The following RREB1 variants were observed in gnomAD, a reference collection of about 807,000 sequenced individuals.
The protein encoded by RREB1 is ras-responsive element-binding protein 1.
Under a neutral mutation model 117.8 loss-of-function variants are expected in RREB1, and 27 were observed. The ratio of observed to expected loss-of-function variants is 0.23; its 90% confidence interval spans 0.17 to 0.32. RREB1 has a LOEUF of 0.32. RREB1 is among the 10% of genes least tolerant of loss of function. The pLI, the probability that RREB1 is intolerant of heterozygous loss-of-function variation, is 1.00. For synonymous variants in RREB1, 1,298 were observed against 1,026.7 expected (o/e 1.26, Z -5.05); for missense variants, 2,577 against 2,378.2 (o/e 1.08, Z -1.74).
intron 10 of RREB1, among the ~76,000 whole-genome samples, chr6:7,234,724 C>A (rs144173946): frequency 2.0e-5 from 3 of 152,324 alleles, no homozygotes; most frequent in African/African-American, 7.2e-5. Context: ...TCATGACAAT[C>A]CTGTGAGGGT....
intron 6 of RREB1, among the ~76,000 whole-genome samples, chr6:7,192,453 A>C (rs531408419): frequency 5.3e-4 from 80 of 152,102 alleles, no homozygotes; most frequent in African/African-American, 1.8e-3. Context: ...TCAGCCTCCC[A>C]AAGTGCTGGG....
chr6:7,227,643 T>C (rs937537000), intron 9 of RREB1, among the ~76,000 whole-genome samples: 12 of 152,362 alleles, frequency 7.9e-5, no homozygotes, highest in African/African-American at 2.9e-4. Flanking sequence ...AAAAAATCTT[T>C]CTTTACTATC....
chr6:7,246,336 T>A, intron 11 of RREB1, 88 bp from the exon 12 acceptor site: 1 of 1,208,574 alleles, frequency 8.3e-7, no homozygotes, highest in Non-Finnish European at 1.1e-6. Context: ...GCTGCTGGCG[T>A]GGGTCTAGCC....
chr6:7,189,389 C>T, intron 6 of RREB1, 67 bp downstream of exon 6: 7 of 1,424,004 alleles, frequency 4.9e-6, no homozygotes, highest in African/African-American at 1.4e-5. Flanking sequence ...AGGACAGTGG[C>T]CTCTGAGCCT....
At position 7,230,321 on chromosome 6, in the gene RREB1, C is replaced by T. The variant is rs150263991; in HGVS notation, c.2222C>T (p.Ala741Val). 5.0e-6 allele frequency: 8 copies of T among 1,588,162 alleles called. No homozygotes were observed. The highest frequency in any genetic ancestry group is 2.7e-5 in the African/African-American group (2 of 74,712). Residue 741 changes from alanine (A) to valine (V), a missense_variant, in exon 10 of 13, where the codon GCG becomes GTG. Transcript: ENST00000379938. ...EKNIEYVSSS[A>V]AELVDAFCAP... The stretch of plus-strand genomic sequence containing the variant: ...AACATCGAGTATGTGAGTAGCAGCG[C>T]GGCCGAGCTGGTGGACGCCTTCTGC...
At chr6:7,145,512 A>G (rs1188145075) in intron 1 of RREB1, among the ~76,000 whole-genome samples, 1 of 152,136 alleles carries the variant, frequency 6.6e-6, no homozygotes. Context: ...AACCCTGTAA[A>G]TGCCTAATGT....
chr6:7,184,560 G>C (rs1052431080), intron 4 of RREB1: 2 of 151,876 alleles, frequency 1.3e-5, no homozygotes, highest in African/African-American at 4.8e-5. Context: ...TGCTTGACAT[G>C]GTTCATTTTA....
chr6:7,242,989 C>T (rs1768807992), intron 11 of RREB1, among the ~76,000 whole-genome samples: 1 of 152,178 alleles, frequency 6.6e-6, no homozygotes. Flanking sequence ...CTTGGTCCTT[C>T]CTCCGATGAT....
At chr6:7,236,243 C>T (rs1280677894) in intron 10 of RREB1, among the ~76,000 whole-genome samples, 1 of 152,212 alleles carries the variant, frequency 6.6e-6, no homozygotes, top group Non-Finnish European at 1.5e-5. Flanking sequence ...TCCCTTTGCT[C>T]CAGTTCCTTG....
intron 10 of RREB1, among the ~76,000 whole-genome samples, chr6:7,239,475 C>T (rs1293850142): frequency 6.6e-6 from 1 of 152,140 alleles, no homozygotes; most frequent in Non-Finnish European, 1.5e-5. Flanking sequence ...CCGCACAAAC[C>T]CAGGACAAGT....
Position 7,229,960 on chromosome 6 carries a change from G to C in RREB1, c.1861G>C (p.Gly621Arg), listed in dbSNP as rs775881827. The part of the protein sequence containing the change: ...EAKIKQEITE[G>R]ELKAFMTAPG... ...CAAGATCAAGCAGGAGATCACAGAGGGGGAACTCAAGGCCTTCATGACAGC... is the reference window on the plus strand; with the variant it reads ...CAAGATCAAGCAGGAGATCACAGAGCGGGAACTCAAGGCCTTCATGACAGC... Residue 621 changes from glycine to arginine, a missense_variant, in exon 10 of 13, where the codon GGG becomes CGG. Transcript: ENST00000379938. The surrounding 1 kb of genome is among the most constrained non-coding windows in gnomAD (Gnocchi z 4.5). The C allele has an allele frequency of 1.9e-5, 31 of 1,603,818 alleles. No individual in the cohort carries two copies. The Middle Eastern group carries it at 1.5e-3, about 77-fold the overall frequency.
chr6:7,132,991 A>G (rs1762214578), intron 1 of RREB1, among the ~76,000 whole-genome samples: 1 of 152,248 alleles, frequency 6.6e-6, no homozygotes, highest in African/African-American at 2.4e-5. Flanking sequence ...TCCATCAAGC[A>G]ATACAAGTAG....
chr6:7,156,422 T>G (rs1763363641), intron 1 of RREB1, among the ~76,000 whole-genome samples: 1 of 152,200 alleles, frequency 6.6e-6, no homozygotes, highest in Non-Finnish European at 1.5e-5. Flanking sequence ...ATCTAACCTG[T>G]GAGGAAGGCC....
intron 6 of RREB1, among the ~76,000 whole-genome samples, chr6:7,203,056 TAGGGTGTTACTGATTCA>T (rs1370284650): frequency 2.0e-5 from 3 of 152,124 alleles, no homozygotes; most frequent in Non-Finnish European, 4.4e-5. Context: ...CAGGAGGATG[TAGGGTGTTACTGATTCA>T]AGGGTAGGGC....
intron 1 of RREB1, among the ~76,000 whole-genome samples, chr6:7,138,187 G>A (rs900881113): frequency 4.1e-4 from 63 of 152,212 alleles, no homozygotes; most frequent in African/African-American, 1.5e-3. Flanking sequence ...GCTGCATGTT[G>A]GTCCATGTTA....
chr6:7,246,101 C>T (rs1392081403), intron 11 of RREB1, among the ~76,000 whole-genome samples: 1 of 152,228 alleles, frequency 6.6e-6, no homozygotes, highest in Admixed American at 6.5e-5. Flanking sequence ...TCTCCTATCT[C>T]GCAGCCCCTG....
rs372347365 is a variant in RREB1 at position 7,189,648 on chromosome 6, A to G, written c.425+326A>G. The stretch of plus-strand genomic sequence containing the variant: ...GAGGAACTCTCCATGAGTAGCATCC[A>G]CGTAACCCTGCCATTTAAAAAATAT... On this transcript the variant is annotated intron_variant, in intron 6 of 12. Transcript: ENST00000379938. Among the ~76,000 whole-genome samples, 238 of 152,310 alleles carry G rather than the reference A, an allele frequency of 1.6e-3. 1 individual carries two copies. Among genetic ancestry groups the G allele is most frequent in the African/African-American group, 5.4e-3 (224 of 41,566 alleles).
intron 1 of RREB1, among the ~76,000 whole-genome samples, chr6:7,150,083 G>T (rs565984455): frequency 7.3e-5 from 11 of 151,426 alleles, no homozygotes; most frequent in Non-Finnish European, 1.3e-4. Flanking sequence ...GAACACTTCA[G>T]CACTCCATGG....
chr6:7,240,284 GT>G lies in RREB1; in HGVS notation c.3809-143del, dbSNP rs1035269766. On this transcript the variant is annotated intron_variant, in intron 10 of 12. Transcript: ENST00000379938. The stretch of plus-strand genomic sequence containing the variant: ...AGAATGATCATTTTAGTCATTGATG[GT>G]TTTTTTTTTTCTAATGTGTTTTGTT... 8.1e-3 allele frequency among the ~76,000 whole-genome samples: 1,183 copies of G among 145,600 alleles called. 18 individuals carry two copies. The highest frequency in any genetic ancestry group is 0.027 in the African/African-American group (1,092 of 40,016).
Sources: allele counts gnomAD v4.1 joint callset (sites outside exome capture counted in the v4.1 genomes callset), GRCh38; gene constraint gnomAD v4.1.1; non-coding constraint Gnocchi (gnomAD v3.1); transcripts MANE v1.5; gene names NCBI Gene and HGNC (gene_info 2026-07-23, HGNC 2026-07-21).